The following MRPL3 variants were observed in gnomAD, a reference collection of about 807,000 sequenced individuals.
The protein encoded by MRPL3 is large ribosomal subunit protein uL3m.
A neutral mutation model predicts 44.3 loss-of-function variants in MRPL3; 43 were observed. That is an observed-to-expected ratio of 0.97 (90% CI 0.76 to 1.25). The LOEUF (loss-of-function observed/expected upper bound fraction) is 1.25. Ranked by LOEUF, MRPL3 falls within the 50% of genes most tolerant of loss-of-function variation. The pLI, the probability that MRPL3 is intolerant of heterozygous loss-of-function variation, is 0.00. For missense variants in MRPL3, 406 were observed against 427.6 expected (o/e 0.95, Z 0.45); for synonymous variants, 171 against 152.3 (o/e 1.12, Z -0.91).
intron 6 of MRPL3, among the ~76,000 whole-genome samples, chr3:131,477,865 C>A (rs948722706): frequency 6.6e-6 from 1 of 152,178 alleles, no homozygotes; most frequent in African/African-American, 2.4e-5. Flanking sequence ...TACCCCTTAA[C>A]GTCCCGCTCC....
rs188464050 is a variant in MRPL3, at chr3:131,466,101, A to T, written c.894+1990T>A. On this transcript the variant is annotated intron_variant, in intron 9 of 9. Transcript: ENST00000264995. ...TTTTTTCTTTAACAAAAATGAGAAT[A>T]ATCCAGTCAGTAAGTGAAGTGTCTC... Among the ~76,000 whole-genome samples, 37 of 152,190 alleles carry T rather than the reference A, an allele frequency of 2.4e-4. No individual in the cohort carries two copies. In the East Asian group the frequency reaches 6.0e-3, roughly 25 times the overall value.
intron 5 of MRPL3, chr3:131,488,639 C>T (rs1160357449): frequency 6.6e-6 from 1 of 152,020 alleles, no homozygotes; most frequent in African/African-American, 2.4e-5. Flanking sequence ...AAATAAGATA[C>T]ATTTTTTTAA....
At chr3:131,465,813 C>T (rs1933587276) in intron 9 of MRPL3, among the ~76,000 whole-genome samples, 2 of 151,770 alleles carry the variant, frequency 1.3e-5, no homozygotes, top group African/African-American at 4.8e-5. Flanking sequence ...TAGAAACCTA[C>T]TTAAACTTAA....
chr3:131,462,711 C>A lies in MRPL3; in HGVS notation c.*12G>T. 1 of 1,607,452 alleles carries A rather than the reference C, an allele frequency of 6.2e-7. No individual in the cohort carries two copies. The highest frequency in any genetic ancestry group is 8.5e-7 in the Non-Finnish European group (1 of 1,175,954). ...TCACAGAATATGTAAGGTTCTGCCACGTCCAAAGATGTTAGGCAAATGTAA... is the reference window on the plus strand; with the variant it reads ...TCACAGAATATGTAAGGTTCTGCCAAGTCCAAAGATGTTAGGCAAATGTAA... On this transcript the variant is annotated 3_prime_UTR_variant, in exon 10 of 10. Transcript: ENST00000264995.
intron 4 of MRPL3, among the ~76,000 whole-genome samples, chr3:131,491,773 T>C (rs1010040803): frequency 6.6e-6 from 1 of 152,102 alleles, no homozygotes; most frequent in African/African-American, 2.4e-5. Flanking sequence ...ATTATTTCAA[T>C]AGCCTCCAAA....
At chr3:131,500,554 A>C in intron 2 of MRPL3, 33 bp from the exon 3 acceptor site, 1 of 1,558,700 alleles carries the variant, frequency 6.4e-7, no homozygotes, top group Non-Finnish European at 8.8e-7. Context: ...TGTGAACAAA[A>C]GCTTTTGCAA....
At chr3:131,482,299 G>T (rs187136283) in intron 6 of MRPL3, among the ~76,000 whole-genome samples, 1 of 152,068 alleles carries the variant, frequency 6.6e-6, no homozygotes, top group African/African-American at 2.4e-5. Context: ...GGCGGATCAC[G>T]AGGTCAGGAG....
chr3:131,478,843 C>CT (rs1933913655), intron 6 of MRPL3, among the ~76,000 whole-genome samples: 1 of 151,702 alleles, frequency 6.6e-6, no homozygotes. Context: ...CAAGTAGCAC[C>CT]TGCAACCACG....
intron 4 of MRPL3, among the ~76,000 whole-genome samples, chr3:131,493,883 A>C (rs1188285678): frequency 6.6e-6 from 1 of 152,216 alleles, no homozygotes; most frequent in Non-Finnish European, 1.5e-5. Flanking sequence ...GATAATAACA[A>C]AGTATCCTTC....
intron 9 of MRPL3, among the ~76,000 whole-genome samples, chr3:131,465,005 TA>T (rs1228187607): frequency 1.3e-5 from 2 of 152,224 alleles, no homozygotes; most frequent in Non-Finnish European, 2.9e-5. Context: ...CACAAACCTA[TA>T]AAATGTTCCC....
chr3:131,477,921 T>G (rs999142077), intron 6 of MRPL3, among the ~76,000 whole-genome samples: 2 of 152,176 alleles, frequency 1.3e-5, no homozygotes, highest in East Asian at 3.9e-4. Flanking sequence ...TTCCCTAATG[T>G]TCTTTGAGAA....
intron 9 of MRPL3, among the ~76,000 whole-genome samples, chr3:131,465,315 T>C (rs925646183): frequency 6.6e-6 from 1 of 152,210 alleles, no homozygotes; most frequent in Admixed American, 6.5e-5. Flanking sequence ...AAGTAATCTT[T>C]TACTGAAGTA....
At chr3:131,492,551 T>TA (rs1305331828) in intron 4 of MRPL3, among the ~76,000 whole-genome samples, 2 of 152,104 alleles carry the variant, frequency 1.3e-5, no homozygotes, top group Non-Finnish European at 2.9e-5. Flanking sequence ...TGCGCTCCTA[T>TA]AAGAATCTAA....
chr3:131,478,272 T>G (rs1933899315), intron 6 of MRPL3, among the ~76,000 whole-genome samples: 1 of 152,212 alleles, frequency 6.6e-6, no homozygotes, highest in Admixed American at 6.5e-5. Context: ...ATTCTACAGA[T>G]GTACCAACCA....
intron 6 of MRPL3, among the ~76,000 whole-genome samples, chr3:131,484,564 G>A (rs1311570664): frequency 6.6e-6 from 1 of 152,060 alleles, no homozygotes; most frequent in African/African-American, 2.4e-5. Context: ...GGAAAGTAGA[G>A]AGAGGAGTTT....
At chr3:131,464,687 C>A (rs755363004) in intron 9 of MRPL3, among the ~76,000 whole-genome samples, 14 of 152,136 alleles carry the variant, frequency 9.2e-5, no homozygotes, top group South Asian at 4.1e-4. Context: ...AACAATAGTT[C>A]TTTAGTCTTC....
At chr3:131,502,702 C>G (rs1227887098) in intron 1 of MRPL3, 28 bp downstream of exon 1, 3 of 1,579,194 alleles carry the variant, frequency 1.9e-6, no homozygotes, top group South Asian at 1.1e-5. Context: ...CGCAACTGTG[C>G]AGGTAGGACA....
intron 4 of MRPL3, among the ~76,000 whole-genome samples, chr3:131,492,294 T>C (rs937191191): frequency 6.6e-6 from 1 of 152,200 alleles, no homozygotes; most frequent in Non-Finnish European, 1.5e-5. Flanking sequence ...ATATTTTTAG[T>C]ATTACCCTTC....
chr3:131,479,259 C>A (rs761737912), intron 6 of MRPL3: 1 of 506,744 alleles, frequency 2.0e-6, no homozygotes, highest in East Asian at 5.5e-5. Context: ...CACTTTCTCT[C>A]TTTATGCTCT....
Sources: allele counts gnomAD v4.1 joint callset (sites outside exome capture counted in the v4.1 genomes callset), GRCh38; gene constraint gnomAD v4.1.1; transcripts MANE v1.5; gene names NCBI Gene and HGNC (gene_info 2026-07-23, HGNC 2026-07-21).